The following DLGAP2 variants were observed in gnomAD, a reference collection of about 807,000 sequenced individuals.
DLGAP2 encodes DLG associated protein 2.
DLGAP2 carries 26 observed loss-of-function variants against 100.3 expected under a neutral mutation model. That is an observed-to-expected ratio of 0.26 (90% CI 0.19 to 0.36). The LOEUF (loss-of-function observed/expected upper bound fraction) is 0.36. Ranked by LOEUF, DLGAP2 falls within the 10% of genes least tolerant of loss-of-function variation. DLGAP2 has a pLI of 1.00. For missense variants in DLGAP2, 1,858 were observed against 1,453.2 expected, an observed-to-expected ratio of 1.28 and a Z score of -4.53; for synonymous variants, 886 against 630.1, an observed-to-expected ratio of 1.41 and a Z score of -6.08.
At position 1,177,650 on chromosome 8, in the gene DLGAP2, C is replaced by T. The variant is rs534950703; in HGVS notation, c.74-81201C>T. ...ATTTGGGCAGCTGTCACAAATACCCCACACTAGGTCATTTATAAATAATAG... is the reference window on the plus strand; with the variant it reads ...ATTTGGGCAGCTGTCACAAATACCCTACACTAGGTCATTTATAAATAATAG... On this transcript the variant is annotated intron_variant, in intron 2 of 14. Transcript: ENST00000637795. Among the ~76,000 whole-genome samples, 5 of 152,300 alleles carry T rather than the reference C, an allele frequency of 3.3e-5. No individual in the cohort carries two copies. The South Asian group carries it at 6.2e-4, about 19-fold the overall frequency.
intron 1 of DLGAP2, among the ~76,000 whole-genome samples, 152 bp from the exon 2 acceptor site, chr8:907,760 C>G (rs1326423442): frequency 6.6e-6 from 1 of 152,228 alleles, no homozygotes; most frequent in Non-Finnish European, 1.5e-5. Flanking sequence ...CAAGATTTTT[C>G]TGTACCGTTT....
At chr8:1,314,751 A>G (rs1226886467) in intron 3 of DLGAP2, among the ~76,000 whole-genome samples, 2 of 152,312 alleles carry the variant, frequency 1.3e-5, no homozygotes, top group Non-Finnish European at 1.5e-5. Flanking sequence ...GGGTCTCCCT[A>G]TGGTGCCACT....
chr8:1,522,588 G>A (rs554933432), intron 4 of DLGAP2, among the ~76,000 whole-genome samples: 20 of 152,324 alleles, frequency 1.3e-4, no homozygotes, highest in African/African-American at 2.9e-4. Context: ...GAAGCAGGAC[G>A]CACAGGTTTC....
intron 2 of DLGAP2, among the ~76,000 whole-genome samples, chr8:1,176,653 G>A (rs370752515): frequency 1.3e-5 from 2 of 152,182 alleles, no homozygotes; most frequent in East Asian, 1.9e-4. Context: ...GAGGCTGGGC[G>A]AGAGGGCAGG....
chr8:912,909 C>T (rs181521860), intron 2 of DLGAP2, among the ~76,000 whole-genome samples: 17 of 152,360 alleles, frequency 1.1e-4, no homozygotes, highest in Admixed American at 7.2e-4. Flanking sequence ...CTGTGGTGCC[C>T]GCCTTCCTCT....
chr8:1,525,990 T>C (rs1302325133), intron 4 of DLGAP2, among the ~76,000 whole-genome samples: 3 of 152,116 alleles, frequency 2.0e-5, no homozygotes, highest in African/African-American at 7.2e-5. Context: ...GGGGGACATT[T>C]GCATTACATA....
At chr8:1,436,175 C>A (rs940008750) in intron 3 of DLGAP2, among the ~76,000 whole-genome samples, 1 of 152,176 alleles carries the variant, frequency 6.6e-6, no homozygotes, top group African/African-American at 2.4e-5. Flanking sequence ...AGCTGAGGAA[C>A]CAGGAAGCCA....
intron 2 of DLGAP2, among the ~76,000 whole-genome samples, chr8:1,226,506 T>C (rs11988274): frequency 0.059 from 8,948 of 152,148 alleles, 450 homozygotes; most frequent in African/African-American, 0.13. Context: ...TCAGGATAAA[T>C]AGCTAATGCA....
chr8:1,682,577 TG>T (rs1283146390), intron 12 of DLGAP2, among the ~76,000 whole-genome samples: 1 of 147,350 alleles, frequency 6.8e-6, no homozygotes, highest in Non-Finnish European at 1.5e-5. Context: ...CGAGTTCAAG[TG>T]ATTCTCCTGC....
intron 3 of DLGAP2, among the ~76,000 whole-genome samples, chr8:1,363,598 G>A (rs1311603735): frequency 1.3e-5 from 2 of 152,216 alleles, no homozygotes; most frequent in South Asian, 2.1e-4. Context: ...TCACAGCCCT[G>A]TCAGGCGACA....
Position 883,553 on chromosome 8 carries a change from C to T in DLGAP2, c.19-24359C>T, listed in dbSNP as rs544698285. On this transcript the variant is annotated intron_variant, in intron 1 of 14. Coordinates refer to ENST00000637795, the MANE Select transcript of DLGAP2 (RefSeq NM_001346810.2). ...ACCCAGGATACATGTACAGAATGTGCAGGTTTGTTACACAGGTACGCGTGT... is the reference window on the plus strand; with the variant it reads ...ACCCAGGATACATGTACAGAATGTGTAGGTTTGTTACACAGGTACGCGTGT... 4.0e-5 allele frequency among the ~76,000 whole-genome samples: 6 copies of T among 150,866 alleles called. No individual in the cohort carries two copies. In the South Asian group the frequency reaches 1.3e-3, roughly 32 times the overall value.
At chr8:1,348,314 TG>T (rs1232115689) in intron 3 of DLGAP2, among the ~76,000 whole-genome samples, 2 of 150,620 alleles carry the variant, frequency 1.3e-5, no homozygotes, top group Non-Finnish European at 3.0e-5. Flanking sequence ...ATTGCACTCA[TG>T]GTAGCTGTGT....
In DLGAP2 at chr8:1,668,361, C is replaced by T; in HGVS notation, c.1843C>T (p.Pro615Ser). The change falls in exon 9 of 15, where the codon CCA (proline) becomes TCA (serine). Residue 615 changes from proline (P) to serine (S), a missense_variant. Physicochemically the swap from Pro to Ser is moderately conservative, Grantham distance 74 (BLOSUM62 -1). Coordinates refer to ENST00000637795, the MANE Select transcript of DLGAP2 (RefSeq NM_001346810.2). ...VSYTNYKKTP[P>S]PVPPRTTSKP... is the part of the protein sequence containing the mutation. ...ATATACAAATTACAAGAAAACGCCC[C>T]CACCGGTGCCCCCTCGGACCACCTC... 1 of 1,544,726 alleles carries T rather than the reference C, an allele frequency of 6.5e-7. No homozygotes were observed. Among genetic ancestry groups the T allele is most frequent in the Non-Finnish European group, 8.7e-7 (1 of 1,149,568 alleles).
chr8:1,631,537 C>T (rs896221467), intron 7 of DLGAP2, among the ~76,000 whole-genome samples: 17 of 152,208 alleles, frequency 1.1e-4, no homozygotes, highest in Non-Finnish European at 2.4e-4. Context: ...CTGAGGCCAT[C>T]CTGCCGGCTG....
intron 3 of DLGAP2, among the ~76,000 whole-genome samples, chr8:1,323,444 G>T (rs1213559681): frequency 6.6e-6 from 1 of 152,200 alleles, no homozygotes; most frequent in South Asian, 2.1e-4. Flanking sequence ...GTAAGTTTAC[G>T]TGACAACCAT....
chr8:1,227,669 A>C lies in DLGAP2; in HGVS notation c.74-31182A>C, dbSNP rs566938293. On this transcript the variant is annotated intron_variant, in intron 2 of 14. Transcript: ENST00000637795. Reference sequence around the variant, plus strand: ...CGTTATGCTAAATGAAATAAGGCAGACACAGGAAGAAAAATATTACATGAT... The same window carrying C: ...CGTTATGCTAAATGAAATAAGGCAGCCACAGGAAGAAAAATATTACATGAT... 3.9e-5 allele frequency among the ~76,000 whole-genome samples: 6 copies of C among 152,272 alleles called. No homozygotes were observed. In the South Asian group the frequency reaches 1.2e-3, roughly 32 times the overall value.
At chr8:1,142,061 CCTACGT>C (rs1796530325) in intron 2 of DLGAP2, among the ~76,000 whole-genome samples, 2 of 133,350 alleles carry the variant, frequency 1.5e-5, no homozygotes, top group Non-Finnish European at 3.3e-5. Context: ...CCATATTCTG[CCTACGT>C]ATATAAGTTT....
intron 1 of DLGAP2, among the ~76,000 whole-genome samples, chr8:871,977 T>A (rs1319109337): frequency 6.6e-6 from 1 of 152,198 alleles, no homozygotes; most frequent in Non-Finnish European, 1.5e-5. Flanking sequence ...TACTCTACAG[T>A]TTTTGCGTTA....
chr8:1,151,025 T>G (rs1796688256), intron 2 of DLGAP2, among the ~76,000 whole-genome samples: 2 of 152,220 alleles, frequency 1.3e-5, no homozygotes, highest in Admixed American at 1.3e-4. Flanking sequence ...TCGTTATGCT[T>G]TGTTTTTGAT....
Sources: allele counts gnomAD v4.1 joint callset (sites outside exome capture counted in the v4.1 genomes callset), GRCh38; gene constraint gnomAD v4.1.1; transcripts MANE v1.5; gene names NCBI Gene and HGNC (gene_info 2026-07-23, HGNC 2026-07-21).